JCAD: variants seen among roughly 807,000 people sequenced by gnomAD.
The protein encoded by JCAD is junctional cadherin 5-associated protein.
JCAD carries 40 observed loss-of-function variants against 98.0 expected under a neutral mutation model. The ratio of observed to expected loss-of-function variants is 0.41; its 90% CI spans 0.32 to 0.53. The LOEUF is 0.53. Ranked by LOEUF, JCAD falls within the 20% of genes least tolerant of loss-of-function variation. The pLI, the probability that JCAD is intolerant of heterozygous loss-of-function variation, is 0.31. For synonymous variants in JCAD, 691 were observed against 682.3 expected (o/e 1.01, Z -0.20); for missense variants, 1,705 against 1,738.1 (o/e 0.98, Z 0.34).
intron 1 of JCAD, among the ~76,000 whole-genome samples, chr10:30,100,674 C>G (rs943449290): frequency 6.6e-6 from 1 of 152,020 alleles, no homozygotes; most frequent in Non-Finnish European, 1.5e-5. Flanking sequence ...GTGAGCCACC[C>G]GACCCTGGCC....
At chr10:30,065,718 C>T (rs1837773470) in intron 2 of JCAD, among the ~76,000 whole-genome samples, 1 of 152,140 alleles carries the variant, frequency 6.6e-6, no homozygotes, top group South Asian at 2.1e-4. Flanking sequence ...CCAGTCTGGT[C>T]TTGAACTCCT....
At chr10:30,105,921 T>G (rs1362152194) in intron 1 of JCAD, among the ~76,000 whole-genome samples, 1 of 152,214 alleles carries the variant, frequency 6.6e-6, no homozygotes, top group African/African-American at 2.4e-5. Context: ...TCCTATATTC[T>G]GAATTGGTTA....
intron 1 of JCAD, among the ~76,000 whole-genome samples, chr10:30,072,378 C>T (rs1163624661): frequency 1.3e-5 from 2 of 152,210 alleles, no homozygotes; most frequent in African/African-American, 2.4e-5. Flanking sequence ...ATATTAGGCA[C>T]TACATCTCCT....
At chr10:30,078,049 A>G (rs529316783) in intron 1 of JCAD, among the ~76,000 whole-genome samples, 4 of 152,278 alleles carry the variant, frequency 2.6e-5, no homozygotes, top group East Asian at 3.9e-4. Flanking sequence ...GAGGGTTCCA[A>G]TTTCTCCATA....
At chr10:30,094,705 G>A (rs939440704) in intron 1 of JCAD, among the ~76,000 whole-genome samples, 9 of 152,118 alleles carry the variant, frequency 5.9e-5, no homozygotes, top group Admixed American at 2.6e-4. Context: ...TCCCAACTAA[G>A]ACACCATCTT....
At chr10:30,101,978 G>A (rs1838478447) in intron 1 of JCAD, among the ~76,000 whole-genome samples, 1 of 152,126 alleles carries the variant, frequency 6.6e-6, no homozygotes. Flanking sequence ...AGATGCCAGT[G>A]TGGTCTTTGC....
chr10:30,047,714 C>A lies in JCAD; in HGVS notation c.99G>T (p.Ala33=). ...REDNPKGRQA[A]RTGTRAGQGL... is the part of the protein sequence containing the mutation. ...CCTGGCCTGCTCGTGTCCCAGTCCT[C>A]GCTGCCTGGCGCCCCTTGGGGTTAT... The change falls in exon 2 of 4, where the codon GCG becomes GCT. Residue 33 remains alanine (A), a synonymous_variant. Coordinates refer to ENST00000375377, the MANE Select transcript of JCAD (RefSeq NM_020848.4). 1 of 1,614,254 alleles carries A rather than the reference C, an allele frequency of 6.2e-7. No individual in the cohort carries two copies. Among genetic ancestry groups the A allele is most frequent in the Non-Finnish European group, 8.5e-7 (1 of 1,180,046 alleles).
intron 1 of JCAD, among the ~76,000 whole-genome samples, chr10:30,089,777 A>G (rs1175984931): frequency 2.0e-5 from 3 of 152,182 alleles, no homozygotes; most frequent in African/African-American, 7.2e-5. Flanking sequence ...CCAGATGTCT[A>G]ATGAACAGCA....
chr10:30,107,262 C>T (rs900502396), intron 1 of JCAD, among the ~76,000 whole-genome samples: 6 of 152,172 alleles, frequency 3.9e-5, no homozygotes, highest in Non-Finnish European at 7.3e-5. Context: ...ATACAGGTCA[C>T]AAAGACCTTG....
intron 2 of JCAD, among the ~76,000 whole-genome samples, chr10:30,037,563 G>GTC (rs1317565009): frequency 6.6e-6 from 1 of 152,154 alleles, no homozygotes; most frequent in Admixed American, 6.5e-5. Context: ...CACAATGAAT[G>GTC]ACTCTAGATG....
intron 1 of JCAD, among the ~76,000 whole-genome samples, chr10:30,105,336 G>T (rs1838553870): frequency 6.6e-6 from 1 of 151,216 alleles, no homozygotes; most frequent in African/African-American, 2.4e-5. Context: ...CTTTCTCTCT[G>T]TCTGTTTTCT....
intron 1 of JCAD, among the ~76,000 whole-genome samples, chr10:30,102,815 G>A (rs1260941595): frequency 6.6e-6 from 1 of 152,024 alleles, no homozygotes; most frequent in African/African-American, 2.4e-5. Context: ...CATGGCTGGG[G>A]AGGCCTCATA....
At chr10:30,041,146 A>G (rs1238038106) in intron 2 of JCAD, among the ~76,000 whole-genome samples, 2 of 152,084 alleles carry the variant, frequency 1.3e-5, no homozygotes, top group Admixed American at 1.3e-4. Context: ...CATGGGGCAC[A>G]TGCAGGAGAC....
At position 30,072,102 on chromosome 10, in the gene JCAD, T is replaced by C. The variant is rs1438538373; in HGVS notation, n.129-2281A>G. ...GCACATGCTATTTGCAATACTATTC[T>C]GGAAGGAAGGAAAGAAGGAAGGGCA... On this transcript the variant is annotated intron_variant and non_coding_transcript_variant, in intron 1 of 2. Transcript: ENST00000465712. Among the ~76,000 whole-genome samples, 6 of 147,234 alleles carry C rather than the reference T, an allele frequency of 4.1e-5. No homozygotes were observed. In the East Asian group the frequency reaches 6.0e-4, roughly 15 times the overall value.
At chr10:30,042,408 C>A (rs1329295433) in intron 2 of JCAD, among the ~76,000 whole-genome samples, 1 of 152,172 alleles carries the variant, frequency 6.6e-6, no homozygotes, top group Non-Finnish European at 1.5e-5. Flanking sequence ...ACTCAAGCAT[C>A]CACCGGCTGT....
chr10:30,079,826 C>G (rs185901971), intron 1 of JCAD, among the ~76,000 whole-genome samples: 1 of 152,316 alleles, frequency 6.6e-6, no homozygotes, highest in East Asian at 1.9e-4. Context: ...TTGCCTAAAA[C>G]TTAGAATGGT....
intron 1 of JCAD, among the ~76,000 whole-genome samples, chr10:30,088,211 G>T (rs1838196721): frequency 6.6e-6 from 1 of 152,224 alleles, no homozygotes; most frequent in Admixed American, 6.5e-5. Flanking sequence ...AGTAGGCTGA[G>T]TGTGAAAATT....
chr10:30,033,710 C>T (rs1329534833), intron 2 of JCAD, among the ~76,000 whole-genome samples: 1 of 152,186 alleles, frequency 6.6e-6, no homozygotes, highest in Non-Finnish European at 1.5e-5. Context: ...AGAGTGAACA[C>T]AACATGAAAC....
chr10:30,076,100 T>G lies in JCAD; in HGVS notation n.129-6279A>C, dbSNP rs367778730. Among the ~76,000 whole-genome samples the G allele has an allele frequency of 8.5e-5, 13 of 152,176 alleles. No homozygotes were observed. In the East Asian group the frequency reaches 2.5e-3, roughly 29 times the overall value. The stretch of plus-strand genomic sequence containing the variant: ...GTGCAATGGCATGATCTGGGCTCAC[T>G]GCAACCTCCACCTCCTGGGTTCAAG... On this transcript the variant is annotated intron_variant and non_coding_transcript_variant, in intron 1 of 2. Transcript: ENST00000465712.
Sources: gnomAD v4.1 joint callset for allele counts (sites outside exome capture counted in the v4.1 genomes callset) on GRCh38, gnomAD v4.1.1 for gene constraint, MANE v1.5 for transcripts, NCBI Gene and HGNC (gene_info 2026-07-23, HGNC 2026-07-21) for gene names.